The following SMPDL3B variants were observed in gnomAD, a reference collection of about 807,000 sequenced individuals.
SMPDL3B encodes sphingomyelin phosphodiesterase acid like 3B.
SMPDL3B carries 31 observed loss-of-function variants against 37.9 expected under a neutral mutation model. That is an observed-to-expected ratio of 0.82 (90% CI 0.61 to 1.10). The LOEUF is 1.10. Among genes scored for constraint, SMPDL3B ranks in the 50% least tolerant of loss-of-function variants. The pLI is 0.00. For synonymous variants in SMPDL3B, 235 were observed against 242.6 expected (o/e 0.97, Z 0.29); for missense variants, 525 against 597.8 (o/e 0.88, Z 1.27).
intron 1 of SMPDL3B, among the ~76,000 whole-genome samples, chr1:27,943,663 G>A (rs192205352): frequency 1.3e-5 from 2 of 152,228 alleles, no homozygotes; most frequent in East Asian, 3.9e-4. Context: ...GATGAACAGA[G>A]GCCAGATCTG....
At chr1:27,953,125 G>A in intron 3 of SMPDL3B, 90 bp from the exon 4 acceptor site, 3 of 950,578 alleles carry the variant, frequency 3.2e-6, no homozygotes, top group African/African-American at 1.6e-5. Context: ...TCTTCCCCTT[G>A]AGCTCTGATG....
At chr1:27,947,311 C>T (rs2090418205) in intron 2 of SMPDL3B, among the ~76,000 whole-genome samples, 1 of 152,180 alleles carries the variant, frequency 6.6e-6, no homozygotes, top group African/African-American at 2.4e-5. Context: ...GCTGGGATTG[C>T]AGGCGTGAGC....
At chr1:27,946,181 C>A (rs182133175) in intron 2 of SMPDL3B, among the ~76,000 whole-genome samples, 7 of 151,768 alleles carry the variant, frequency 4.6e-5, no homozygotes, top group Non-Finnish European at 7.4e-5. Context: ...GGTGAAACCC[C>A]GTCTCTACTA....
chr1:27,954,298 G>T, intron 4 of SMPDL3B, 56 bp from the exon 5 acceptor site: 1 of 1,535,854 alleles, frequency 6.5e-7, no homozygotes. Flanking sequence ...GGAAGGGGCG[G>T]AAGCCTGTCT....
intron 1 of SMPDL3B, among the ~76,000 whole-genome samples, chr1:27,944,937 C>T (rs2090393644): frequency 6.6e-6 from 1 of 152,180 alleles, no homozygotes; most frequent in Non-Finnish European, 1.5e-5. Context: ...AACAAGCCCC[C>T]TCATTAGAAT....
chr1:27,948,851 A>T, intron 2 of SMPDL3B: 1 of 767,218 alleles, frequency 1.3e-6, no homozygotes, highest in Non-Finnish European at 2.2e-6. Flanking sequence ...CAGAGAGGTT[A>T]AACAGCCAAT....
At chr1:27,942,216 TAGTTAAC>T in intron 1 of SMPDL3B, 1 of 453,324 alleles carries the variant, frequency 2.2e-6, no homozygotes, top group Non-Finnish European at 4.6e-6. Flanking sequence ...TCAGTGTTTG[TAGTTAAC>T]TGAGAAAGAG....
intron 2 of SMPDL3B, among the ~76,000 whole-genome samples, chr1:27,947,033 T>C (rs2090414520): frequency 7.4e-6 from 1 of 134,938 alleles, no homozygotes; most frequent in Non-Finnish European, 1.6e-5. Flanking sequence ...CTTTAACAGA[T>C]GCACATTTTT....
intron 7 of SMPDL3B, chr1:27,956,349 G>A (rs1638274837): frequency 5.2e-6 from 7 of 1,353,862 alleles, no homozygotes; most frequent in Non-Finnish European, 6.9e-6. Context: ...CCCTGCTATG[G>A]CCCATCCGCT....
At chr1:27,946,723 A>G (rs1279489818) in intron 2 of SMPDL3B, among the ~76,000 whole-genome samples, 1 of 152,206 alleles carries the variant, frequency 6.6e-6, no homozygotes, top group Non-Finnish European at 1.5e-5. Context: ...CTCAGTGGAC[A>G]CTTCTATAAG....
At chr1:27,955,256 A>G (rs991840233) in intron 5 of SMPDL3B, among the ~76,000 whole-genome samples, 2 of 152,210 alleles carry the variant, frequency 1.3e-5, no homozygotes, top group African/African-American at 4.8e-5. Context: ...ATGGTGGCCA[A>G]GTGCCCAGGT....
intron 2 of SMPDL3B, among the ~76,000 whole-genome samples, chr1:27,947,997 A>G (rs1571656212): frequency 6.6e-6 from 1 of 152,092 alleles, no homozygotes; most frequent in South Asian, 2.1e-4. Flanking sequence ...TCAGGGCAAA[A>G]CAGCCCCTCT....
Position 27,949,134 on chromosome 1 carries a change from G to A in SMPDL3B, c.345G>A (p.Leu115=), listed in dbSNP as rs776161962. Residue 115 remains leucine, a synonymous_variant, in exon 3 of 8, where the codon CTG becomes CTA. Coordinates refer to ENST00000373894, the MANE Select transcript of SMPDL3B (RefSeq NM_014474.4). ...CTGTACTGGAAATTGTGGAACGCCT[G>A]ACCAAGCTCATCAGAGAGGTCTTTC... The part of the protein sequence containing the change: ...EAAVLEIVER[L]TKLIREVFPD... The A allele has an allele frequency of 1.2e-6, 2 of 1,614,068 alleles. No individual in the cohort carries two copies. The highest frequency in any genetic ancestry group is 1.7e-6 in the Non-Finnish European group (2 of 1,180,038).
At position 27,945,232 on chromosome 1, in the gene SMPDL3B, G is replaced by T; in HGVS notation, c.62G>T (p.Gly21Val). 2 of 1,614,028 alleles carry T rather than the reference G, an allele frequency of 1.2e-6. No individual in the cohort carries two copies. Among genetic ancestry groups the T allele is most frequent in the Non-Finnish European group, 8.5e-7 (1 of 1,179,928 alleles). ...AAGGAGGATGTTTTTTCCCCTGCAG[G>T]GAAGTTCTGGCACATCGCTGACCTG... ...ANWGGARAEP[G>V]KFWHIADLHL... Residue 21 changes from glycine (G) to valine (V), a missense_variant and splice_region_variant, in exon 2 of 8, where the codon GGG (glycine) becomes GTG (valine). By Grantham distance (109) the Gly-to-Val change is moderately radical (BLOSUM62 -3). Transcript: ENST00000373894. This position sits in a 1 kb window ranked among gnomAD's most constrained non-coding sequence, Gnocchi z 4.0.
chr1:27,950,149 G>T (rs2090444265), intron 3 of SMPDL3B, among the ~76,000 whole-genome samples: 1 of 152,134 alleles, frequency 6.6e-6, no homozygotes, highest in Non-Finnish European at 1.5e-5. Flanking sequence ...TGTTCCCGCT[G>T]CTTCCTTTCC....
At position 27,955,979 on chromosome 1, in the gene SMPDL3B, C is replaced by T. The variant is rs1405322752; in HGVS notation, c.902C>T (p.Pro301Leu). The change falls in exon 7 of 8, where the codon CCT (proline) becomes CTT (leucine). Residue 301 changes from proline to leucine, a missense_variant. Pro to Leu is a moderately conservative substitution (Grantham distance 98, BLOSUM62 -3). Coordinates refer to ENST00000373894, the MANE Select transcript of SMPDL3B (RefSeq NM_014474.4). Reference sequence around the variant, plus strand: ...CCCATAAGCGCCATGTTCATCACACCTGGAGTCACCCCATGGAAAACCACA... The same window carrying T: ...CCCATAAGCGCCATGTTCATCACACTTGGAGTCACCCCATGGAAAACCACA... ...GVPISAMFITPGVTPWKTTLP... is the reference protein window; with the variant it reads ...GVPISAMFITLGVTPWKTTLP... 1 of 1,614,114 alleles carries T rather than the reference C, an allele frequency of 6.2e-7. No individual in the cohort carries two copies.
chr1:27,957,727 C>T (rs1447780713), intron 7 of SMPDL3B, among the ~76,000 whole-genome samples: 1 of 152,162 alleles, frequency 6.6e-6, no homozygotes, highest in Non-Finnish European at 1.5e-5. Flanking sequence ...TGCACCATCA[C>T]CCCCTAACAG....
At chr1:27,947,077 C>T (rs561972481) in intron 2 of SMPDL3B, among the ~76,000 whole-genome samples, 64 of 145,848 alleles carry the variant, frequency 4.4e-4, no homozygotes, top group African/African-American at 1.6e-3. Flanking sequence ...GCTCTTTTTG[C>T]CCAGGCTGGA....
intron 4 of SMPDL3B, 148 bp from the exon 5 acceptor site, chr1:27,954,206 C>G: frequency 1.2e-6 from 1 of 809,288 alleles, no homozygotes; most frequent in Non-Finnish European, 2.0e-6. Context: ...TCCAGAGCCT[C>G]TGATCTTCCA....
Sources: allele counts gnomAD v4.1 joint callset (sites outside exome capture counted in the v4.1 genomes callset), GRCh38; gene constraint gnomAD v4.1.1; non-coding constraint Gnocchi (gnomAD v3.1); transcripts MANE v1.5; gene names NCBI Gene and HGNC (gene_info 2026-07-23, HGNC 2026-07-21).